Variants in SLCO1B1 observed in about 807,000 individuals in gnomAD.
SLCO1B1 encodes the protein OATP-2.
Under a neutral mutation model 70.1 loss-of-function variants are expected in SLCO1B1, and 81 were observed. The observed-to-expected ratio is 1.16, with a 90% CI of 0.97 to 1.39. SLCO1B1 has a LOEUF of 1.39. Ranked by LOEUF, SLCO1B1 falls within the 40% of genes most tolerant of loss-of-function variation. The probability of loss-of-function intolerance (pLI) is 0.00; values close to 1 mark genes in which losing one functional copy is unlikely to be tolerated. For synonymous variants in SLCO1B1, 283 were observed against 271.5 expected (o/e 1.04, Z -0.42); for missense variants, 895 against 799.6 (o/e 1.12, Z -1.44).
At chr12:21,202,763 C>A in intron 10 of SLCO1B1, 77 bp downstream of exon 10, 1 of 1,158,318 alleles carries the variant, frequency 8.6e-7, no homozygotes, top group Non-Finnish European at 1.2e-6. Flanking sequence ...TAATATAAGG[C>A]AGAAAACAAT....
At chr12:21,152,039 G>T (rs1940477149) in intron 2 of SLCO1B1, among the ~76,000 whole-genome samples, 1 of 151,200 alleles carries the variant, frequency 6.6e-6, no homozygotes, top group Non-Finnish European at 1.5e-5. Context: ...TTTTTAGTTG[G>T]CCCACAGTTT....
intron 7 of SLCO1B1, among the ~76,000 whole-genome samples, chr12:21,190,748 A>G (rs1941021229): frequency 6.6e-6 from 1 of 152,044 alleles, no homozygotes; most frequent in South Asian, 2.1e-4. Context: ...TTAGCTCCCA[A>G]TGATAAGTGA....
chr12:21,137,519 A>C (rs191498111), intron 1 of SLCO1B1, among the ~76,000 whole-genome samples: 2 of 151,830 alleles, frequency 1.3e-5, no homozygotes, highest in African/African-American at 4.8e-5. Flanking sequence ...ACCTAATCAA[A>C]CAACTAACTC....
intron 2 of SLCO1B1, among the ~76,000 whole-genome samples, chr12:21,151,161 G>A (rs1940466042): frequency 6.6e-6 from 1 of 152,102 alleles, no homozygotes; most frequent in African/African-American, 2.4e-5. Context: ...TTACAACACA[G>A]TGATATTGGT....
At chr12:21,167,400 T>A (rs1432627274) in intron 2 of SLCO1B1, among the ~76,000 whole-genome samples, 1 of 152,132 alleles carries the variant, frequency 6.6e-6, no homozygotes, top group Non-Finnish European at 1.5e-5. Flanking sequence ...CATAAATTAG[T>A]GGATAAGAGC....
intron 1 of SLCO1B1, among the ~76,000 whole-genome samples, chr12:21,134,666 G>A (rs1406684042): frequency 2.0e-5 from 3 of 152,108 alleles, no homozygotes; most frequent in African/African-American, 7.2e-5. Flanking sequence ...ATTTCTGTGG[G>A]ATCGGTGGTT....
chr12:21,192,331 A>G (rs1199658039), intron 7 of SLCO1B1, among the ~76,000 whole-genome samples: 1 of 151,546 alleles, frequency 6.6e-6, no homozygotes, highest in Non-Finnish European at 1.5e-5. Flanking sequence ...TCTGTGTTTT[A>G]TGTCTCCAGG....
At chr12:21,161,307 C>T (rs564793539) in intron 2 of SLCO1B1, among the ~76,000 whole-genome samples, 1 of 152,248 alleles carries the variant, frequency 6.6e-6, no homozygotes, top group South Asian at 2.1e-4. Context: ...AAATGTGGTA[C>T]ATACTATGGA....
chr12:21,152,683 C>T (rs1202173472), intron 2 of SLCO1B1, among the ~76,000 whole-genome samples: 1 of 151,486 alleles, frequency 6.6e-6, no homozygotes, highest in Non-Finnish European at 1.5e-5. Context: ...TTGGCTGGAG[C>T]TGGGTATTTC....
chr12:21,182,298 T>C (rs946589098), intron 7 of SLCO1B1, among the ~76,000 whole-genome samples: 1 of 152,008 alleles, frequency 6.6e-6, no homozygotes, highest in African/African-American at 2.4e-5. Flanking sequence ...CCCAGAGACA[T>C]TGGAACAGGC....
chr12:21,222,826 A>G (rs1863595722), intron 13 of SLCO1B1, among the ~76,000 whole-genome samples: 1 of 152,182 alleles, frequency 6.6e-6, no homozygotes, highest in Non-Finnish European at 1.5e-5. Flanking sequence ...GAATCTGGTC[A>G]GAGAATCTGG....
At chr12:21,228,746 G>A (rs1302360840) in intron 14 of SLCO1B1, among the ~76,000 whole-genome samples, 1 of 152,160 alleles carries the variant, frequency 6.6e-6, no homozygotes, top group African/African-American at 2.4e-5. Context: ...CTTATTTCCT[G>A]GAGGTCCCAG....
chr12:21,176,254 G>C (rs761811720), intron 4 of SLCO1B1, among the ~76,000 whole-genome samples: 1 of 152,084 alleles, frequency 6.6e-6, no homozygotes, highest in Non-Finnish European at 1.5e-5. Context: ...TAGAGCTCAC[G>C]TGGTACCTAA....
chr12:21,216,739 C>A (rs969900174), intron 11 of SLCO1B1, among the ~76,000 whole-genome samples: 1 of 152,122 alleles, frequency 6.6e-6, no homozygotes, highest in African/African-American at 2.4e-5. Context: ...CTCCTCAGGG[C>A]ATGTCTCTGA....
chr12:21,195,509 G>A (rs1278036787), intron 7 of SLCO1B1, among the ~76,000 whole-genome samples: 2 of 152,114 alleles, frequency 1.3e-5, no homozygotes, highest in Non-Finnish European at 1.5e-5. Flanking sequence ...AAGTGCTCAT[G>A]TGCTAATTTA....
At chr12:21,167,373 A>C (rs375643412) in intron 2 of SLCO1B1, among the ~76,000 whole-genome samples, 23 of 152,320 alleles carry the variant, frequency 1.5e-4, no homozygotes, top group African/African-American at 5.5e-4. Flanking sequence ...AAGAAGTTCT[A>C]CATCAGTACA....
Position 21,217,210 on chromosome 12 carries a change from G to A in SLCO1B1, c.1589G>A (p.Cys530Tyr), listed in dbSNP as rs184762532. The change falls in exon 12 of 15, where the codon TGT (cysteine) becomes TAT (tyrosine). Residue 530 changes from cysteine (C) to tyrosine (Y), a missense_variant. By Grantham distance (194) the Cys-to-Tyr change is radical. Transcript: ENST00000256958. ...GGTGAATGCCCAAGAGATGATGCTT[G>A]TACAAGGAAATTTTACTTTTTTGTT... ...HLGECPRDDACTRKFYFFVAI... is the reference protein window; with the variant it reads ...HLGECPRDDAYTRKFYFFVAI... 11 of 1,613,686 alleles carry A rather than the reference G, an allele frequency of 6.8e-6. No homozygotes were observed. Among genetic ancestry groups the A allele is most frequent in the Admixed American group, 6.7e-5 (4 of 60,006 alleles).
intron 5 of SLCO1B1, 103 bp downstream of exon 5, chr12:21,177,000 G>A: frequency 1.1e-6 from 1 of 875,396 alleles, no homozygotes; most frequent in African/African-American, 1.7e-5. Context: ...AATTAAGAAT[G>A]AATAGGAAAA....
rs868251071 is a variant in SLCO1B1, at chr12:21,205,944, T to A, written c.1408T>A (p.Trp470Arg). The A allele has an allele frequency of 1.2e-6, 2 of 1,611,960 alleles. No individual in the cohort carries two copies. Among genetic ancestry groups the A allele is most frequent in the Non-Finnish European group, 1.7e-6 (2 of 1,178,472 alleles). The change falls in exon 11 of 15, where the codon TGG (tryptophan) becomes AGG (arginine). Residue 470 changes from tryptophan (W) to arginine (R), a missense_variant. Trp to Arg is a moderately radical substitution (Grantham distance 101). Transcript: ENST00000256958. ...AGACTGCAATTGTGATGAAAGTCAATGGGAACCAGTCTGTGGAAACAATGG... is the reference window on the plus strand; with the variant it reads ...AGACTGCAATTGTGATGAAAGTCAAAGGGAACCAGTCTGTGGAAACAATGG... ...NSDCNCDESQWEPVCGNNGIT... is the reference protein window; with the variant it reads ...NSDCNCDESQREPVCGNNGIT...
Sources: allele counts gnomAD v4.1 joint callset (sites outside exome capture counted in the v4.1 genomes callset), GRCh38; gene constraint gnomAD v4.1.1; transcripts MANE v1.5; gene names NCBI Gene and HGNC (gene_info 2026-07-23, HGNC 2026-07-21).